Variants in TRPS1 observed in about 807,000 individuals in gnomAD.
TRPS1 encodes the protein transcriptional repressor GATA binding 1, also known as zinc finger transcription factor Trps1.
Under a neutral mutation model 101.2 loss-of-function variants are expected in TRPS1, and 6 were observed. The observed-to-expected ratio is 0.06, with a 90% CI of 0.03 to 0.12. The LOEUF is 0.12. Ranked by LOEUF, TRPS1 falls within the 10% of genes least tolerant of loss-of-function variation. The pLI is 1.00. For synonymous variants in TRPS1, 578 were observed against 589.8 expected (o/e 0.98, Z 0.29); for missense variants, 1,363 against 1,567.0 (o/e 0.87, Z 2.20).
intron 5 of TRPS1, among the ~76,000 whole-genome samples, chr8:115,464,206 T>C (rs747829364): frequency 6.6e-6 from 1 of 152,160 alleles, no homozygotes; most frequent in Non-Finnish European, 1.5e-5. Context: ...TACTTTTAAG[T>C]AAATTTCTTG....
chr8:115,632,920 T>G (rs1354075527), intron 1 of TRPS1, among the ~76,000 whole-genome samples: 1 of 152,152 alleles, frequency 6.6e-6, no homozygotes, highest in Non-Finnish European at 1.5e-5. Flanking sequence ...CAGGTGTATT[T>G]GTTTTGTAAT....
At position 115,413,190 on chromosome 8, in the gene TRPS1, T is replaced by C. The variant is rs898208587; in HGVS notation, c.*833A>G. 1 of 152,108 alleles carries C rather than the reference T, an allele frequency of 6.6e-6. No individual in the cohort carries two copies. Among genetic ancestry groups the C allele is most frequent in the Non-Finnish European group, 1.5e-5 (1 of 68,020 alleles). 9.4% of individuals were successfully genotyped at this position (152,108 alleles called of 1,614,324 possible). A position where few individuals can be genotyped will look rare whatever the true frequency, so the allele number is the denominator to read the frequency against. On this transcript the variant is annotated 3_prime_UTR_variant, in exon 7 of 7. Transcript: ENST00000395715. Reference sequence around the variant, plus strand: ...CAGGAGGCTTAGAAAAGCAAATCCATACTGGTTCATCACACACAAGAAAGA... The same window carrying C: ...CAGGAGGCTTAGAAAAGCAAATCCACACTGGTTCATCACACACAAGAAAGA...
intron 5 of TRPS1, among the ~76,000 whole-genome samples, chr8:115,523,067 T>C (rs978802118): frequency 6.6e-6 from 1 of 152,156 alleles, no homozygotes; most frequent in African/African-American, 2.4e-5. Context: ...ATAAACCTTT[T>C]GATTTTGCTT....
At chr8:115,640,714 A>C (rs560783977) in intron 1 of TRPS1, among the ~76,000 whole-genome samples, 6 of 152,128 alleles carry the variant, frequency 3.9e-5, no homozygotes, top group African/African-American at 1.4e-4. Context: ...AATTTTCTCA[A>C]CTCCTAACGT....
At position 115,409,967 on chromosome 8, in the gene TRPS1, T is replaced by G. The variant is rs529181927; in HGVS notation, c.*4056A>C. On this transcript the variant is annotated 3_prime_UTR_variant, in exon 7 of 7. Coordinates refer to ENST00000395715, the MANE Select transcript of TRPS1 (RefSeq NM_014112.5). ...CTCAAACCAAAGACAGTAGCTAAAG[T>G]TGACCTCCTCTCAACTTAAGGCAAA... 6.6e-6 allele frequency: 1 copy of G among 151,032 alleles called. No homozygotes were observed. Among genetic ancestry groups the G allele is most frequent in the Admixed American group, 6.6e-5 (1 of 15,076 alleles). The allele number at this position is 151,032 out of a possible 1,614,324, so 9.4% of individuals were successfully genotyped here. A position where few individuals can be genotyped will look rare whatever the true frequency, so the allele number is the denominator to read the frequency against.
chr8:115,657,957 T>C (rs1233592309), intron 1 of TRPS1, among the ~76,000 whole-genome samples: 1 of 151,820 alleles, frequency 6.6e-6, no homozygotes, highest in Admixed American at 6.6e-5. Context: ...ATTTTTCCAC[T>C]GAGAAGGCAA....
chr8:115,483,287 C>T (rs1814799712), intron 5 of TRPS1, among the ~76,000 whole-genome samples: 1 of 151,978 alleles, frequency 6.6e-6, no homozygotes, highest in South Asian at 2.1e-4. Context: ...AATCCCAGCA[C>T]TTTGGGAGGT....
intron 2 of TRPS1, 147 bp downstream of exon 2, chr8:115,623,454 C>T (rs1006674237): frequency 1.3e-5 from 10 of 793,464 alleles, no homozygotes; most frequent in Middle Eastern, 3.4e-4. Flanking sequence ...GAAGAAACTC[C>T]CCTAGCGAGT....
chr8:115,651,464 CA>C (rs1442269305), intron 1 of TRPS1, among the ~76,000 whole-genome samples: 1 of 152,206 alleles, frequency 6.6e-6, no homozygotes, highest in Non-Finnish European at 1.5e-5. Context: ...ACAATTTTCT[CA>C]GTACCTGAAA....
intron 5 of TRPS1, among the ~76,000 whole-genome samples, chr8:115,519,799 T>C (rs1011152806): frequency 6.6e-6 from 1 of 151,430 alleles, no homozygotes; most frequent in Non-Finnish European, 1.5e-5. Flanking sequence ...GATTACAGAG[T>C]GAAGTTCTAT....
chr8:115,555,326 G>C (rs1308088610), intron 5 of TRPS1, among the ~76,000 whole-genome samples: 1 of 152,128 alleles, frequency 6.6e-6, no homozygotes, highest in African/African-American at 2.4e-5. Flanking sequence ...CTAAATGTAG[G>C]AGTATGTAAG....
intron 5 of TRPS1, among the ~76,000 whole-genome samples, chr8:115,441,866 T>TGAGA (rs56875076): frequency 1.8e-4 from 25 of 139,602 alleles, no homozygotes; most frequent in South Asian, 4.7e-4. Flanking sequence ...CAATTGAGAG[T>TGAGA]GAGAGAGAGA....
At chr8:115,462,639 CTCT>C (rs796820100) in intron 5 of TRPS1, among the ~76,000 whole-genome samples, 3,732 of 75,640 alleles carry the variant, frequency 0.049, 136 homozygotes, top group African/African-American at 0.13. Flanking sequence ...CTCTCTCTCT[CTCT>C]TTTTTTTTTT....
At chr8:115,486,571 A>C (rs7832568) in intron 5 of TRPS1, among the ~76,000 whole-genome samples, 48,191 of 152,164 alleles carry the variant, frequency 0.32, 9,253 homozygotes, top group Non-Finnish European at 0.45. Context: ...AAAGTTCTTG[A>C]AAGAAATTAA....
rs984978663 is a variant in TRPS1 at position 115,668,031 on chromosome 8, G to A, written c.-122+514C>T. 1.8e-5 allele frequency: 15 copies of A among 847,500 alleles called. No individual in the cohort carries two copies. The African/African-American group carries it at 1.8e-4, about 10-fold the overall frequency. 52.5% of individuals were successfully genotyped at this position (847,500 alleles called of 1,614,324 possible). On this transcript the variant is annotated intron_variant, in intron 1 of 6. Transcript: ENST00000395715. Reference sequence around the variant, plus strand: ...TTAAAATCAGCCAGAAAGAGACAGCGAGGGGGAGTGGGGCTGCGAGGGGGA... The same window carrying A: ...TTAAAATCAGCCAGAAAGAGACAGCAAGGGGGAGTGGGGCTGCGAGGGGGA...
rs185939378 is a variant in TRPS1, at chr8:115,539,810, A to T, written c.2700+47191T>A. Among the ~76,000 whole-genome samples, 37 of 152,326 alleles carry T rather than the reference A, an allele frequency of 2.4e-4. No individual in the cohort carries two copies. The South Asian group carries it at 7.0e-3, about 29-fold the overall frequency. ...GAGGCAGAGGTTGCAATGAGCTGAG[A>T]TCCTGCCACTGCTCCAGCCTGGGAC... On this transcript the variant is annotated intron_variant, in intron 5 of 6. Transcript: ENST00000395715.
At chr8:115,550,864 C>CTT (rs1160367595) in intron 5 of TRPS1, among the ~76,000 whole-genome samples, 2 of 152,226 alleles carry the variant, frequency 1.3e-5, no homozygotes, top group African/African-American at 4.8e-5. Context: ...CATTGAGGGA[C>CTT]TTCCTTCAGT....
intron 5 of TRPS1, among the ~76,000 whole-genome samples, chr8:115,510,185 T>C (rs1205662284): frequency 6.6e-6 from 1 of 152,088 alleles, no homozygotes; most frequent in African/African-American, 2.4e-5. Context: ...CTCAATTCAA[T>C]CGTACATATC....
intron 5 of TRPS1, among the ~76,000 whole-genome samples, chr8:115,533,829 T>C (rs896083668): frequency 6.6e-6 from 1 of 152,126 alleles, no homozygotes; most frequent in African/African-American, 2.4e-5. Context: ...CTTCTCTCCA[T>C]AGGCTAACAT....
Sources: gnomAD v4.1 joint callset for allele counts (sites outside exome capture counted in the v4.1 genomes callset) on GRCh38, gnomAD v4.1.1 for gene constraint, MANE v1.5 for transcripts, NCBI Gene and HGNC (gene_info 2026-07-23, HGNC 2026-07-21) for gene names.